Variants in FAXC observed in about 807,000 individuals in gnomAD.
The protein encoded by FAXC is failed axon connections homolog.
In FAXC, 10 loss-of-function variants were observed where a neutral mutation model predicts 41.9. The observed-to-expected ratio is 0.24, with a 90% CI of 0.15 to 0.41. The LOEUF is 0.41. Ranked by LOEUF, FAXC falls within the 10% of genes least tolerant of loss-of-function variation. FAXC has a pLI of 1.00. For synonymous variants in FAXC, 183 were observed against 183.8 expected (o/e 1.00, Z 0.03); for missense variants, 399 against 510.9 (o/e 0.78, Z 2.11).
At chr6:99,329,967 C>T (rs1374870453) in intron 3 of FAXC, among the ~76,000 whole-genome samples, 6 of 151,628 alleles carry the variant, frequency 4.0e-5, no homozygotes, top group East Asian at 3.9e-4. Context: ...AGCGCGATCA[C>T]GGCTCAATGC....
chr6:99,313,899 C>A (rs912930542), intron 4 of FAXC, among the ~76,000 whole-genome samples: 2 of 152,182 alleles, frequency 1.3e-5, no homozygotes, highest in African/African-American at 2.4e-5. Flanking sequence ...ACTCAGCATA[C>A]CCACACCTGA....
At chr6:99,343,442 A>T (rs1773492386) in intron 1 of FAXC, among the ~76,000 whole-genome samples, 1 of 152,204 alleles carries the variant, frequency 6.6e-6, no homozygotes, top group Non-Finnish European at 1.5e-5. Context: ...TGTGTGTCAC[A>T]CATTGTTCTG....
chr6:99,293,728 G>C (rs1008366508), intron 4 of FAXC, among the ~76,000 whole-genome samples: 23 of 142,410 alleles, frequency 1.6e-4, no homozygotes, highest in Middle Eastern at 3.6e-3. Flanking sequence ...GTGTGTGTGT[G>C]TGTGTGTGCA....
intron 2 of FAXC, among the ~76,000 whole-genome samples, chr6:99,336,478 T>C (rs1021312314): frequency 6.6e-6 from 1 of 152,228 alleles, no homozygotes; most frequent in African/African-American, 2.4e-5. Context: ...AATTAGACTC[T>C]GACTAATCCA....
intron 2 of FAXC, among the ~76,000 whole-genome samples, chr6:99,340,277 T>G (rs1773375479): frequency 6.6e-6 from 1 of 151,932 alleles, no homozygotes. Flanking sequence ...ATTTTTGTAT[T>G]TTTAATAGAG....
chr6:99,325,208 G>C (rs916793008), intron 3 of FAXC, among the ~76,000 whole-genome samples: 1 of 150,876 alleles, frequency 6.6e-6, no homozygotes, highest in African/African-American at 2.4e-5. Flanking sequence ...CCTCAAGGGG[G>C]AAAAAAAGGC....
Position 99,281,090 on chromosome 6 carries a change from G to T in FAXC, c.*74C>A. On this transcript the variant is annotated 3_prime_UTR_variant, in exon 6 of 6. Transcript: ENST00000389677. ...ACGAAGATCTCCTCCCAGCTCGGAT[G>T]GATTGCTACCTGGGAAAATGGACCG... is the stretch of plus-strand genomic sequence containing the variant. 1.3e-6 allele frequency: 1 copy of T among 756,076 alleles called. No homozygotes were observed. The highest frequency in any genetic ancestry group is 2.4e-6 in the Non-Finnish European group (1 of 414,152). 46.8% of individuals were successfully genotyped at this position (756,076 alleles called of 1,614,324 possible).
chr6:99,282,175 T>C (rs1377544833), intron 5 of FAXC, among the ~76,000 whole-genome samples: 1 of 152,216 alleles, frequency 6.6e-6, no homozygotes, highest in African/African-American at 2.4e-5. Flanking sequence ...TATGTTTACA[T>C]ATCAAGAGAG....
chr6:99,338,386 C>G (rs771111345), intron 2 of FAXC, among the ~76,000 whole-genome samples: 12 of 152,118 alleles, frequency 7.9e-5, no homozygotes, highest in Non-Finnish European at 1.6e-4. Flanking sequence ...AAAATGTGAA[C>G]AAAGGCAGAT....
intron 4 of FAXC, among the ~76,000 whole-genome samples, chr6:99,294,254 A>G (rs926697400): frequency 1.5e-4 from 23 of 152,214 alleles, no homozygotes; most frequent in African/African-American, 5.1e-4. Context: ...GAAAAATCAG[A>G]TACCATAAGA....
At chr6:99,342,810 G>A (rs1773469830) in intron 2 of FAXC, 88 bp downstream of exon 2, 1 of 1,314,846 alleles carries the variant, frequency 7.6e-7, no homozygotes, top group Admixed American at 2.3e-5. Context: ...GGCATCCACT[G>A]TGTGAGACGA....
intron 5 of FAXC, among the ~76,000 whole-genome samples, chr6:99,289,898 G>A (rs1771167785): frequency 6.6e-6 from 1 of 152,068 alleles, no homozygotes; most frequent in Admixed American, 6.6e-5. Flanking sequence ...TTATATGGCT[G>A]ATTGGGAACT....
At chr6:99,309,040 G>C (rs1186271104) in intron 4 of FAXC, among the ~76,000 whole-genome samples, 2 of 152,120 alleles carry the variant, frequency 1.3e-5, no homozygotes, top group African/African-American at 4.8e-5. Flanking sequence ...CAGCCCAGCA[G>C]AACACACACT....
In FAXC at chr6:99,349,163, G is replaced by T. The variant is rs1368465914; in HGVS notation, c.210C>A (p.Thr70=). Reference sequence around the variant, plus strand: ...CAGCTGCGGCCAGCAAAGCTCCCCCGGTCAAGTAAAGGGTTTTCTTCCACC... The same window carrying T: ...CAGCTGCGGCCAGCAAAGCTCCCCCTGTCAAGTAAAGGGTTTTCTTCCACC... ...DPWWKKTLYL[T]GGALLAAAAY... The change falls in exon 1 of 6, where the codon ACC becomes ACA. Residue 70 remains threonine (T), a synonymous_variant. Coordinates refer to ENST00000389677, the MANE Select transcript of FAXC (RefSeq NM_032511.4). 1.2e-6 allele frequency: 2 copies of T among 1,613,822 alleles called. No homozygotes were observed. The highest frequency in any genetic ancestry group is 1.7e-6 in the Non-Finnish European group (2 of 1,180,016).
At chr6:99,347,785 G>A (rs1773654427) in intron 1 of FAXC, among the ~76,000 whole-genome samples, 1 of 152,206 alleles carries the variant, frequency 6.6e-6, no homozygotes, top group Non-Finnish European at 1.5e-5. Flanking sequence ...TAGGTAGCTT[G>A]AAATCTAACT....
At position 99,273,231 on chromosome 6, in the gene FAXC, G is replaced by A. The variant is rs148478767; in HGVS notation, c.*7933C>T. On this transcript the variant is annotated 3_prime_UTR_variant, in exon 6 of 6. Transcript: ENST00000389677. ...CAGGTGGTGTCCGCCCATTAGCCCC[G>A]AAATGTGGGTTCAAATTATGCCAAC... is the stretch of plus-strand genomic sequence containing the variant. 1.8e-4 allele frequency: 27 copies of A among 152,086 alleles called. No individual in the cohort carries two copies. The East Asian group carries it at 3.1e-3, about 17-fold the overall frequency. 9.4% of individuals were successfully genotyped at this position (152,086 alleles called of 1,614,324 possible).
chr6:99,301,506 A>C (rs1771704391), intron 4 of FAXC, among the ~76,000 whole-genome samples: 3 of 152,258 alleles, frequency 2.0e-5, no homozygotes, highest in Admixed American at 2.0e-4. Flanking sequence ...AGAAGAAAAC[A>C]AAGTGAATAA....
In FAXC at chr6:99,307,942, A is replaced by T. The variant is rs1335643222; in HGVS notation, c.823+15502T>A. Among the ~76,000 whole-genome samples, 4 of 152,188 alleles carry T rather than the reference A, an allele frequency of 2.6e-5. No homozygotes were observed. In the South Asian group the frequency reaches 8.3e-4, roughly 32 times the overall value. ...AGATCAAATGACATTTAAAAAAAAA[A>T]CCTCAACATTCACTGGAAAAATGGA... On this transcript the variant is annotated intron_variant, in intron 4 of 5. Coordinates refer to ENST00000389677, the MANE Select transcript of FAXC (RefSeq NM_032511.4).
intron 4 of FAXC, among the ~76,000 whole-genome samples, 184 bp from the exon 5 acceptor site, chr6:99,292,004 CAT>C (rs1419421613): frequency 6.6e-6 from 1 of 152,018 alleles, no homozygotes; most frequent in Non-Finnish European, 1.5e-5. Context: ...ATTAAGCAAT[CAT>C]GTGATACATC....
Sources: gnomAD v4.1 joint callset for allele counts (sites outside exome capture counted in the v4.1 genomes callset) on GRCh38, gnomAD v4.1.1 for gene constraint, MANE v1.5 for transcripts, NCBI Gene and HGNC (gene_info 2026-07-23, HGNC 2026-07-21) for gene names.